BAG1: variants seen among roughly 807,000 people sequenced by gnomAD.
The protein encoded by BAG1 is BAG family molecular chaperone regulator 1.
In BAG1, 35 loss-of-function variants were observed where a neutral mutation model predicts 35.5. The ratio of observed to expected loss-of-function variants is 0.99; its 90% CI spans 0.75 to 1.31. BAG1 has a LOEUF of 1.31. BAG1 is among the 50% of genes most tolerant of loss of function. The pLI, the probability that BAG1 is intolerant of heterozygous loss-of-function variation, is 0.00. For synonymous variants in BAG1, 191 were observed against 178.9 expected (o/e 1.07, Z -0.54); for missense variants, 464 against 453.6 (o/e 1.02, Z -0.21).
chr9:33,255,307 G>A lies in BAG1; in HGVS notation c.950C>T (p.Ala317Val), dbSNP rs745315597. The change falls in exon 7 of 7, where the codon GCA (alanine) becomes GTA (valine). Residue 317 changes from alanine (A) to valine (V), a missense_variant and splice_region_variant. By Grantham distance (64) the Ala-to-Val change is moderately conservative (BLOSUM62 0). Coordinates refer to ENST00000634734, the MANE Select transcript of BAG1 (RefSeq NM_004323.6). ...CACTGTGTCACACTCGGCTAGGAAT[G>A]CCTAGAAAATACACACGGGGCAGTA... is the stretch of plus-strand genomic sequence containing the variant. 4.3e-6 allele frequency: 7 copies of A among 1,614,208 alleles called. No individual in the cohort carries two copies. The highest frequency in any genetic ancestry group is 3.3e-5 in the Admixed American group (2 of 60,030).
At position 33,264,340 on chromosome 9, in the gene BAG1, T is replaced by C. The variant is rs772291483; in HGVS notation, c.335A>G (p.Gln112Arg). Reference sequence around the variant, plus strand: ...CTGGCTCCGATTCATCTCTTCGCCCTGGGTCGCCTCCTCACTCTGGGTCGC... The same window carrying C: ...CTGGCTCCGATTCATCTCTTCGCCCCGGGTCGCCTCCTCACTCTGGGTCGC... Residue 112 changes from glutamine (Q) to arginine (R), a missense_variant, in exon 1 of 7, where the codon CAG becomes CGG. Coordinates refer to ENST00000634734, the MANE Select transcript of BAG1 (RefSeq NM_004323.6). 1.2e-6 allele frequency: 2 copies of C among 1,613,130 alleles called. No homozygotes were observed. The highest frequency in any genetic ancestry group is 2.2e-5 in the South Asian group (2 of 90,966).
At chr9:33,263,258 G>C (rs1467022744) in intron 1 of BAG1, among the ~76,000 whole-genome samples, 1 of 152,166 alleles carries the variant, frequency 6.6e-6, no homozygotes, top group Non-Finnish European at 1.5e-5. Context: ...CAAGCCATCT[G>C]CTTCCTGTGG....
rs922041249 is a variant in BAG1, at chr9:33,253,803, T to C, written c.*1416A>G. The C allele has an allele frequency of 6.6e-6, 1 of 151,668 alleles. No individual in the cohort carries two copies. Among genetic ancestry groups the C allele is most frequent in the Non-Finnish European group, 1.5e-5 (1 of 67,956 alleles). 9.4% of individuals were successfully genotyped at this position (151,668 alleles called of 1,614,324 possible). A position where few individuals can be genotyped will look rare whatever the true frequency, so the allele number is the denominator to read the frequency against. On this transcript the variant is annotated 3_prime_UTR_variant, in exon 7 of 7. Coordinates refer to ENST00000634734, the MANE Select transcript of BAG1 (RefSeq NM_004323.6). ...AGCAAACCACTCTTCTACTTTATGA[T>C]GAGCACATAAACAGTTTTTTTTTCT...
rs1264602419 is a variant in BAG1 at position 33,254,267 on chromosome 9, T to A, written c.*952A>T. 7.6e-6 allele frequency: 1 copy of A among 132,316 alleles called. No individual in the cohort carries two copies. The highest frequency in any genetic ancestry group is 9.5e-5 in the Admixed American group (1 of 10,542). 8.2% of individuals were successfully genotyped at this position (132,316 alleles called of 1,614,324 possible). On this transcript the variant is annotated 3_prime_UTR_variant, in exon 7 of 7. Coordinates refer to ENST00000634734, the MANE Select transcript of BAG1 (RefSeq NM_004323.6). ...TCCCAAAGTGCTGGGATTATAGGCA[T>A]GAGCTGCTGCGCCAGGCCTTAATTT... is the stretch of plus-strand genomic sequence containing the variant.
rs1381714837 is a variant in BAG1, at chr9:33,261,956, G to GT, written c.580+745dup. 2.5e-6 allele frequency: 3 copies of GT among 1,178,192 alleles called. No homozygotes were observed. In the African/African-American group the frequency reaches 4.8e-5, roughly 19 times the overall value. 73.0% of individuals were successfully genotyped at this position (1,178,192 alleles called of 1,614,324 possible). ...AATGGGAGGCACTGGAAACACAGCA[G>GT]TATCTCCACCCTCACGGAGGCTGTT... On this transcript the variant is annotated intron_variant, in intron 2 of 6. Transcript: ENST00000634734.
At chr9:33,258,542 C>T (rs187539993) in intron 4 of BAG1, among the ~76,000 whole-genome samples, 50 of 152,204 alleles carry the variant, frequency 3.3e-4, no homozygotes, top group Middle Eastern at 3.4e-3. Context: ...TTACAACAGC[C>T]CAGAGAGAAG....
intron 2 of BAG1, among the ~76,000 whole-genome samples, chr9:33,261,487 T>C (rs779292400): frequency 6.6e-5 from 10 of 152,118 alleles, no homozygotes; most frequent in Non-Finnish European, 1.3e-4. Context: ...TCAGTAGGCA[T>C]TAAGGTCTAC....
rs746655235 is a variant in BAG1, at chr9:33,255,285, T to G, written c.972A>C (p.Thr324=). 1.2e-6 allele frequency: 2 copies of G among 1,614,224 alleles called. No individual in the cohort carries two copies. The highest frequency in any genetic ancestry group is 1.1e-5 in the South Asian group (1 of 91,092). Residue 324 remains threonine, a synonymous_variant, in exon 7 of 7, where the codon ACA becomes ACC. Transcript: ENST00000634734. ...TCTCCTGGCAGATGTTCTGCTCCAC[T>G]GTGTCACACTCGGCTAGGAATGCCT...
intron 1 of BAG1, 22 bp downstream of exon 1, chr9:33,264,202 C>T (rs1820650023): frequency 6.3e-7 from 1 of 1,577,576 alleles, no homozygotes; most frequent in East Asian, 2.3e-5. Flanking sequence ...TGCATGGAGC[C>T]CACCTGGCGC....
At chr9:33,257,760 T>C (rs1266318388) in intron 4 of BAG1, 5 of 152,228 alleles carry the variant, frequency 3.3e-5, no homozygotes, top group African/African-American at 1.2e-4. Flanking sequence ...ATGAAATGCA[T>C]GCGAGCTTTG....
At position 33,264,323 on chromosome 9, in the gene BAG1, G is replaced by A. The variant is rs779242380; in HGVS notation, c.352C>T (p.Arg118Trp). The A allele has an allele frequency of 6.2e-7, 1 of 1,613,500 alleles. No homozygotes were observed. Among genetic ancestry groups the A allele is most frequent in the African/African-American group, 1.3e-5 (1 of 74,760 alleles). Residue 118 changes from arginine (R) to tryptophan (W), a missense_variant, in exon 1 of 7, where the codon CGG becomes TGG. Coordinates refer to ENST00000634734, the MANE Select transcript of BAG1 (RefSeq NM_004323.6). ...TCGTCCCGGGTCACCTCCTGGCTCC[G>A]ATTCATCTCTTCGCCCTGGGTCGCC... is the stretch of plus-strand genomic sequence containing the variant.
chr9:33,264,106 C>CT, intron 1 of BAG1, 118 bp downstream of exon 1: 2 of 1,240,984 alleles, frequency 1.6e-6, no homozygotes, highest in Non-Finnish European at 2.2e-6. Context: ...ATAACCCACG[C>CT]TTCCGGACGC....
intron 6 of BAG1, 36 bp from the exon 7 acceptor site, chr9:33,255,344 A>C (rs2117925953): frequency 6.2e-7 from 1 of 1,613,696 alleles, no homozygotes; most frequent in Middle Eastern, 1.7e-4. Flanking sequence ...GGGCCCATCC[A>C]GGGGTAGCCG....
chr9:33,258,961 G>C lies in BAG1; in HGVS notation c.736C>G (p.Gln246Glu), dbSNP rs1238260606. The C allele has an allele frequency of 6.2e-7, 1 of 1,614,118 alleles. No individual in the cohort carries two copies. The highest frequency in any genetic ancestry group is 8.5e-7 in the Non-Finnish European group (1 of 1,179,996). ...AGCTCTTTATTCAACTCTTCCAGCT[G>C]GTCAGCTATCTTCTCCACAGACTTC... Residue 246 changes from glutamine to glutamate, a missense_variant, in exon 4 of 7, where the codon CAG (glutamine) becomes GAG (glutamate). Coordinates refer to ENST00000634734, the MANE Select transcript of BAG1 (RefSeq NM_004323.6).
intron 4 of BAG1, chr9:33,257,747 A>G (rs1341276809): frequency 1.3e-5 from 2 of 152,258 alleles, no homozygotes; most frequent in Admixed American, 6.5e-5. Flanking sequence ...ACATTTATAC[A>G]AGATGAAATG....
chr9:33,264,058 C>A, intron 1 of BAG1, 166 bp downstream of exon 1: 1 of 845,906 alleles, frequency 1.2e-6, no homozygotes, highest in East Asian at 2.7e-5. Context: ...TGTACAGACA[C>A]AAGCCCGGGA....
Position 33,264,286 on chromosome 9 carries a change from CG to C in BAG1, c.388del (p.Arg130GlyfsTer5). 3 of 1,613,930 alleles carry C rather than the reference CG, an allele frequency of 1.9e-6. No homozygotes were observed. Among genetic ancestry groups the C allele is most frequent in the Non-Finnish European group, 2.5e-6 (3 of 1,179,990 alleles). On this transcript the variant is annotated frameshift_variant, in exon 1 of 7. Coordinates refer to ENST00000634734, the MANE Select transcript of BAG1 (RefSeq NM_004323.6). LOFTEE classifies it high-confidence loss of function. ...TTCCTCCCTGGTCACCTCCTCGCTC[CG>C]GGTCGACTCCTCGTCCCGGGTCACC...
At chr9:33,261,046 T>A (rs754296866) in intron 3 of BAG1, 41 bp downstream of exon 3, 7 of 1,534,110 alleles carry the variant, frequency 4.6e-6, no homozygotes, top group Non-Finnish European at 6.2e-6. Flanking sequence ...AAGACTTCAG[T>A]CATTTGATTC....
intron 2 of BAG1, 33 bp from the exon 3 acceptor site, chr9:33,261,202 A>C: frequency 1.4e-6 from 2 of 1,475,560 alleles, no homozygotes; most frequent in Non-Finnish European, 1.9e-6. Flanking sequence ...CCAAGTTGTA[A>C]TAATTGTACA....
Sources: gnomAD v4.1 joint callset for allele counts (sites outside exome capture counted in the v4.1 genomes callset) on GRCh38, gnomAD v4.1.1 for gene constraint, MANE v1.5 for transcripts, NCBI Gene and HGNC (gene_info 2026-07-23, HGNC 2026-07-21) for gene names.